VPS45: variants seen among roughly 807,000 people sequenced by gnomAD.
The protein encoded by VPS45 is vacuolar protein sorting-associated protein 45.
A neutral mutation model predicts 75.9 loss-of-function variants in VPS45; 35 were observed. The observed-to-expected ratio is 0.46, with a 90% CI of 0.35 to 0.61. The LOEUF (loss-of-function observed/expected upper bound fraction) is 0.61. Among genes scored for constraint, VPS45 ranks in the 20% least tolerant of loss-of-function variants. VPS45 has a pLI of 0.00. For missense variants in VPS45, 559 were observed against 685.9 expected (o/e 0.81, Z 2.07); for synonymous variants, 220 against 238.2 (o/e 0.92, Z 0.70).
At chr1:150,078,820 A>T (rs1553798676) in intron 7 of VPS45, among the ~76,000 whole-genome samples, 1 of 150,666 alleles carries the variant, frequency 6.6e-6, no homozygotes, top group Non-Finnish European at 1.5e-5. Flanking sequence ...AAGAATAAAA[A>T]AAAGAAGAGC....
chr1:150,092,507 C>CA, intron 12 of VPS45, 98 bp downstream of exon 12: 1 of 1,006,692 alleles, frequency 9.9e-7, no homozygotes, highest in Non-Finnish European at 1.4e-6. Context: ...TTGAAGATTG[C>CA]TGCTAATTTA....
intron 13 of VPS45, among the ~76,000 whole-genome samples, chr1:150,107,007 G>T (rs1440037391): frequency 1.3e-5 from 2 of 152,076 alleles, no homozygotes; most frequent in Non-Finnish European, 2.9e-5. Flanking sequence ...ACTCAGTTGG[G>T]CCTCAACCTC....
chr1:150,077,924 T>G, intron 7 of VPS45, 145 bp downstream of exon 7: 1 of 702,028 alleles, frequency 1.4e-6, no homozygotes, highest in South Asian at 1.6e-5. Context: ...CCTGGTGTTT[T>G]GGTATCATGA....
chr1:150,072,579 C>T (rs1655136899), intron 3 of VPS45, among the ~76,000 whole-genome samples: 1 of 150,538 alleles, frequency 6.6e-6, no homozygotes, highest in African/African-American at 2.5e-5. Context: ...ATCGCTTGAA[C>T]CGGAGAGGCG....
intron 14 of VPS45, among the ~76,000 whole-genome samples, chr1:150,133,285 C>T (rs1246910796): frequency 4.6e-5 from 7 of 151,982 alleles, no homozygotes; most frequent in African/African-American, 1.7e-4. Flanking sequence ...CGTGGTGGCT[C>T]ACGCCTGTAA....
In VPS45 at chr1:150,091,936, G is replaced by A; in HGVS notation, c.1105-1G>A. The A allele has an allele frequency of 6.2e-7, 1 of 1,611,824 alleles. No homozygotes were observed. The highest frequency in any genetic ancestry group is 1.1e-5 in the South Asian group (1 of 90,660). ...TAAATATAAGTTCTATCTTTCTTCA[G>A]AATATAAAAAGGCTTCTGCAGAACC... On this transcript the variant is annotated splice_acceptor_variant, in intron 10 of 14. Transcript: ENST00000644510. LOFTEE classifies it high-confidence loss of function.
chr1:150,091,943 A>G lies in VPS45; in HGVS notation c.1111A>G (p.Lys371Glu). ...NDHSSALQNI[K>E]RLLQNPKVTE... is the part of the protein sequence containing the mutation. ...AAGTTCTATCTTTCTTCAGAATATA[A>G]AAAGGCTTCTGCAGAACCCCAAAGT... is the stretch of plus-strand genomic sequence containing the variant. Residue 371 changes from lysine to glutamate, a missense_variant, in exon 11 of 15, where the codon AAA (lysine) becomes GAA (glutamate). Lys to Glu is a moderately conservative substitution (Grantham distance 56). Transcript: ENST00000644510. 1 of 1,612,706 alleles carries G rather than the reference A, an allele frequency of 6.2e-7. No individual in the cohort carries two copies. The highest frequency in any genetic ancestry group is 8.5e-7 in the Non-Finnish European group (1 of 1,179,576).
At chr1:150,142,236 A>G (rs1174040671) in intron 14 of VPS45, among the ~76,000 whole-genome samples, 1 of 152,162 alleles carries the variant, frequency 6.6e-6, no homozygotes, top group Non-Finnish European at 1.5e-5. Flanking sequence ...CAGAGTTGGA[A>G]ATGAACCAAA....
chr1:150,114,427 C>T (rs1571885214), intron 14 of VPS45, among the ~76,000 whole-genome samples: 1 of 148,152 alleles, frequency 6.7e-6, no homozygotes, highest in East Asian at 2.0e-4. Context: ...AAGATCGAGT[C>T]ACTGCACTCC....
At chr1:150,068,100 G>T in intron 1 of VPS45, 150 bp downstream of exon 1, 1 of 775,870 alleles carries the variant, frequency 1.3e-6, no homozygotes, top group Non-Finnish European at 2.0e-6. Context: ...TATAAAGCTT[G>T]CCCGGTGGGT....
chr1:150,138,882 A>G (rs1659243245), intron 14 of VPS45, among the ~76,000 whole-genome samples: 2 of 152,082 alleles, frequency 1.3e-5, no homozygotes, highest in South Asian at 4.1e-4. Flanking sequence ...TGGCACATCC[A>G]TTCCTTTAGT....
At chr1:150,087,410 G>A (rs987203317) in intron 10 of VPS45, among the ~76,000 whole-genome samples, 1 of 152,186 alleles carries the variant, frequency 6.6e-6, no homozygotes, top group African/African-American at 2.4e-5. Flanking sequence ...TCACAAGGCT[G>A]ATGGAAAATT....
intron 12 of VPS45, 170 bp downstream of exon 12, chr1:150,092,579 C>G: frequency 2.0e-6 from 1 of 491,648 alleles, no homozygotes; most frequent in East Asian, 3.2e-5. Flanking sequence ...TCTTTTAGTG[C>G]TTTCTGTCTT....
At chr1:150,067,525 G>C (rs1571802250), upstream of VPS45, 1 of 310,284 alleles carries the variant, frequency 3.2e-6, no homozygotes. Flanking sequence ...ACTCTCTTGG[G>C]CTTCAGGCTG....
intron 2 of VPS45, among the ~76,000 whole-genome samples, chr1:150,069,459 C>CTTTTTTTT (rs10707595): frequency 1.6e-5 from 2 of 128,134 alleles, no homozygotes; most frequent in Non-Finnish European, 3.1e-5. Flanking sequence ...ATTTGTTACA[C>CTTTTTTTT]TTTTTTTTTT....
intron 10 of VPS45, among the ~76,000 whole-genome samples, chr1:150,086,629 G>A (rs1383248484): frequency 1.3e-5 from 2 of 152,090 alleles, no homozygotes; most frequent in Non-Finnish European, 2.9e-5. Context: ...CATTTAGCCA[G>A]TATTTTAGAA....
chr1:150,108,775 A>G (rs1657473023), intron 13 of VPS45, among the ~76,000 whole-genome samples: 1 of 152,172 alleles, frequency 6.6e-6, no homozygotes, highest in African/African-American at 2.4e-5. Flanking sequence ...GATCCCTCCC[A>G]TGCGTAGTTC....
intron 14 of VPS45, among the ~76,000 whole-genome samples, chr1:150,136,840 A>G (rs1202318354): frequency 6.6e-6 from 1 of 151,268 alleles, no homozygotes; most frequent in African/African-American, 2.4e-5. Flanking sequence ...AGTAAAGTCT[A>G]TCTCCAGTGA....
At chr1:150,130,000 C>G (rs1553811898) in intron 14 of VPS45, among the ~76,000 whole-genome samples, 1 of 151,772 alleles carries the variant, frequency 6.6e-6, no homozygotes, top group Non-Finnish European at 1.5e-5. Flanking sequence ...TATGGGCCAC[C>G]AAGCCTGGCT....
Sources: gnomAD v4.1 joint callset for allele counts (sites outside exome capture counted in the v4.1 genomes callset) on GRCh38, gnomAD v4.1.1 for gene constraint, MANE v1.5 for transcripts, NCBI Gene and HGNC (gene_info 2026-07-23, HGNC 2026-07-21) for gene names.